The following ELAPOR1 variants were observed in gnomAD, a reference collection of about 807,000 sequenced individuals.
The protein encoded by ELAPOR1 is endosome/lysosome-associated apoptosis and autophagy regulator 1.
In ELAPOR1, 77 loss-of-function variants were observed where a neutral mutation model predicts 119.7. That is an observed-to-expected ratio of 0.64 (90% CI 0.54 to 0.78). The LOEUF is 0.78. Among genes scored for constraint, ELAPOR1 ranks in the 30% least tolerant of loss-of-function variants. The pLI, the probability that ELAPOR1 is intolerant of heterozygous loss-of-function variation, is 0.00. For missense variants in ELAPOR1, 1,115 were observed against 1,270.4 expected, an observed-to-expected ratio of 0.88 and a Z score of 1.86; for synonymous variants, 481 against 487.2, an observed-to-expected ratio of 0.99 and a Z score of 0.17.
At chr1:109,135,256 TC>T (rs1157500976) in intron 1 of ELAPOR1, among the ~76,000 whole-genome samples, 8 of 151,404 alleles carry the variant, frequency 5.3e-5, no homozygotes, top group Non-Finnish European at 1.2e-4. Flanking sequence ...CTTTTTTTTT[TC>T]TTTTGAGATG....
chr1:109,169,281 C>T (rs1640782383), intron 3 of ELAPOR1, among the ~76,000 whole-genome samples: 2 of 152,152 alleles, frequency 1.3e-5, no homozygotes, highest in African/African-American at 2.4e-5. Context: ...GCTTTATCAC[C>T]CAGGCTGGAG....
chr1:109,165,171 A>T (rs1651507070), intron 3 of ELAPOR1, among the ~76,000 whole-genome samples: 1 of 152,150 alleles, frequency 6.6e-6, no homozygotes, highest in Non-Finnish European at 1.5e-5. Context: ...GCATGTCCGT[A>T]GTCCCAGCTA....
intron 1 of ELAPOR1, among the ~76,000 whole-genome samples, chr1:109,134,047 G>A (rs1465043089): frequency 6.6e-6 from 1 of 152,240 alleles, no homozygotes; most frequent in African/African-American, 2.4e-5. Context: ...GTGGGCGGAA[G>A]TGGGAGGGGG....
intron 1 of ELAPOR1, among the ~76,000 whole-genome samples, chr1:109,143,326 C>T (rs1269996077): frequency 6.6e-6 from 1 of 152,108 alleles, no homozygotes; most frequent in Non-Finnish European, 1.5e-5. Flanking sequence ...CACTTGAAAG[C>T]ATTATGCCAA....
Position 109,191,748 on chromosome 1 carries a change from C to T in ELAPOR1, c.1568C>T (p.Thr523Ile). The change falls in exon 13 of 22, where the codon ACT (threonine) becomes ATT (isoleucine). Residue 523 changes from threonine (T) to isoleucine (I), a missense_variant. By Grantham distance (89) the Thr-to-Ile change is moderately conservative (BLOSUM62 -1). Transcript: ENST00000369939. ...FMVGVNSRTNTPVETWKGSKG... is the reference protein window; with the variant it reads ...FMVGVNSRTNIPVETWKGSKG... ...CAGGGTGTGAATTCTAGGACCAACA[C>T]TCCTGTGGAGACGTGGAAAGGTTCC... 6.2e-7 allele frequency: 1 copy of T among 1,614,240 alleles called. No homozygotes were observed.
At chr1:109,168,784 C>T (rs1651752893) in intron 3 of ELAPOR1, among the ~76,000 whole-genome samples, 1 of 152,202 alleles carries the variant, frequency 6.6e-6, no homozygotes, top group South Asian at 2.1e-4. Flanking sequence ...TTTCTTCATT[C>T]TAAAAATGAT....
At chr1:109,146,692 C>T (rs531842) in intron 1 of ELAPOR1, among the ~76,000 whole-genome samples, 128,036 of 152,108 alleles carry the variant, frequency 0.84, 54,108 homozygotes, top group East Asian at 0.93. Flanking sequence ...TGATTGTTCT[C>T]GAGGGAAGGT....
intron 1 of ELAPOR1, among the ~76,000 whole-genome samples, chr1:109,136,568 G>C (rs142012049): frequency 6.6e-6 from 1 of 152,196 alleles, no homozygotes; most frequent in Non-Finnish European, 1.5e-5. Context: ...TGCAGGCACC[G>C]TGAGGTAGAA....
At chr1:109,189,343 A>G (rs1653280972) in intron 10 of ELAPOR1, 149 bp downstream of exon 10, 1 of 1,071,790 alleles carries the variant, frequency 9.3e-7, no homozygotes. Flanking sequence ...TCATGGACAT[A>G]TGTTCTGCCA....
At position 109,125,637 on chromosome 1, in the gene ELAPOR1, G is replaced by A. The variant is rs1051689863; in HGVS notation, c.153+11301G>A. 1.3e-4 allele frequency among the ~76,000 whole-genome samples: 20 copies of A among 152,074 alleles called. No individual in the cohort carries two copies. The South Asian group carries it at 1.7e-3, about 13-fold the overall frequency. ...TTGACCTTGTGATCTGCCCGCCTTG[G>A]CCTCCCAAAGTGCTGGGATTACAGG... is the stretch of plus-strand genomic sequence containing the variant. On this transcript the variant is annotated intron_variant, in intron 1 of 21. Coordinates refer to ENST00000369939, the MANE Select transcript of ELAPOR1 (RefSeq NM_020775.5).
At chr1:109,176,704 A>G (rs1164117653) in intron 7 of ELAPOR1, among the ~76,000 whole-genome samples, 1 of 147,518 alleles carries the variant, frequency 6.8e-6, no homozygotes, top group Non-Finnish European at 1.5e-5. Flanking sequence ...GTCAGCAGAT[A>G]AACAAATGAA....
intron 3 of ELAPOR1, among the ~76,000 whole-genome samples, chr1:109,168,985 G>C (rs561474419): frequency 2.0e-5 from 3 of 152,192 alleles, no homozygotes; most frequent in Non-Finnish European, 2.9e-5. Context: ...CCCACTTATG[G>C]CATCTTTTAA....
At chr1:109,116,064 T>C (rs1647975991) in intron 1 of ELAPOR1, among the ~76,000 whole-genome samples, 1 of 152,146 alleles carries the variant, frequency 6.6e-6, no homozygotes, top group Admixed American at 6.5e-5. Flanking sequence ...CAATGGAAAA[T>C]ATGAGACATT....
At position 109,114,330 on chromosome 1, in the gene ELAPOR1, C is replaced by T; in HGVS notation, c.147C>T (p.Cys49=). ...GAACGGGACCGGAGCTTCATGCCTG[C>T]AAAGAGGTACTGCCGCCCCCCTACC... The part of the protein sequence containing the change: ...TQGTGPELHA[C]KESEYHYEYT... Residue 49 remains cysteine (C), a synonymous_variant, in exon 1 of 22, where the codon TGC becomes TGT. Transcript: ENST00000369939. 6.3e-7 allele frequency: 1 copy of T among 1,588,854 alleles called. No homozygotes were observed. The highest frequency in any genetic ancestry group is 2.3e-5 in the East Asian group (1 of 43,430).
chr1:109,192,274 T>TG (rs1249134824), intron 13 of ELAPOR1, among the ~76,000 whole-genome samples: 1 of 152,246 alleles, frequency 6.6e-6, no homozygotes, highest in African/African-American at 2.4e-5. Context: ...AGTTAACATC[T>TG]GGACAATCTC....
At chr1:109,151,897 A>G (rs1408771958) in intron 1 of ELAPOR1, among the ~76,000 whole-genome samples, 5 of 132,600 alleles carry the variant, frequency 3.8e-5, no homozygotes, top group Non-Finnish European at 7.8e-5. Flanking sequence ...TTTTTGAGGC[A>G]GTGTCTCACT....
Position 109,198,677 on chromosome 1 carries a change from A to G in ELAPOR1, c.2501+3A>G, listed in dbSNP as rs1271669607. 6.2e-7 allele frequency: 1 copy of G among 1,610,968 alleles called. No homozygotes were observed. The highest frequency in any genetic ancestry group is 1.3e-5 in the African/African-American group (1 of 74,904). On this transcript the variant is annotated splice_donor_region_variant and intron_variant, in intron 18 of 21. Coordinates refer to ENST00000369939, the MANE Select transcript of ELAPOR1 (RefSeq NM_020775.5). ...CCTGGAAGTTTGCTGCTGCCAGGGT[A>G]AGCCCTGCAAAGGGATGTAACAAAG...
intron 1 of ELAPOR1, among the ~76,000 whole-genome samples, chr1:109,131,066 G>A (rs954421183): frequency 4.6e-5 from 7 of 152,168 alleles, no homozygotes; most frequent in African/African-American, 1.4e-4. Context: ...GAGTCTCTTA[G>A]GAGGTTACAG....
intron 1 of ELAPOR1, among the ~76,000 whole-genome samples, chr1:109,117,302 A>G (rs1414565134): frequency 1.3e-5 from 2 of 152,240 alleles, no homozygotes; most frequent in Non-Finnish European, 2.9e-5. Context: ...CGTTTTCATG[A>G]ATCGTTTCTT....
Sources: allele counts gnomAD v4.1 joint callset (sites outside exome capture counted in the v4.1 genomes callset), GRCh38; gene constraint gnomAD v4.1.1; transcripts MANE v1.5; gene names NCBI Gene and HGNC (gene_info 2026-07-23, HGNC 2026-07-21).